CCSER1: variants seen among roughly 807,000 people sequenced by gnomAD.
The protein encoded by CCSER1 is coiled-coil serine rich protein 1, also known as serine-rich coiled-coil domain-containing protein 1.
Under a neutral mutation model 82.0 loss-of-function variants are expected in CCSER1, and 41 were observed. The ratio of observed to expected loss-of-function variants is 0.50; its 90% CI spans 0.39 to 0.65. The LOEUF (loss-of-function observed/expected upper bound fraction) is 0.65, where lower values mean the gene tolerates loss of function less well. CCSER1 is among the 30% of genes least tolerant of loss of function. CCSER1 has a pLI of 0.00. For synonymous variants in CCSER1, 414 were observed against 383.9 expected (o/e 1.08, Z -0.92); for missense variants, 1,119 against 1,064.2 (o/e 1.05, Z -0.72).
Position 90,155,786 on chromosome 4 carries a change from G to A in CCSER1, c.-42+27955G>A, listed in dbSNP as rs539703681. 1.3e-3 allele frequency among the ~76,000 whole-genome samples: 199 copies of A among 151,820 alleles called. 1 individual carries two copies. The highest frequency in any genetic ancestry group is 2.1e-3 in the Non-Finnish European group (146 of 67,960). On this transcript the variant is annotated intron_variant, in intron 1 of 10. Transcript: ENST00000509176. ...TTTTTCTTCTTTATTAGTCTTGCTA[G>A]CGGTCTATCAATTTTGTTGATCCTT...
At chr4:91,220,311 T>C (rs1458007644) in intron 10 of CCSER1, among the ~76,000 whole-genome samples, 1 of 152,230 alleles carries the variant, frequency 6.6e-6, no homozygotes, top group African/African-American at 2.4e-5. Context: ...GCTCGTTTCT[T>C]GCATGCTGCT....
chr4:90,420,549 G>A (rs1263748053), intron 4 of CCSER1, among the ~76,000 whole-genome samples: 1 of 151,438 alleles, frequency 6.6e-6, no homozygotes, highest in African/African-American at 2.4e-5. Flanking sequence ...TGCATTTCCT[G>A]ATTTAAAAGT....
At chr4:91,380,825 C>T (rs923519630) in intron 10 of CCSER1, among the ~76,000 whole-genome samples, 1 of 152,128 alleles carries the variant, frequency 6.6e-6, no homozygotes, top group Non-Finnish European at 1.5e-5. Flanking sequence ...TTAGTTGATG[C>T]AGTTTCTTCC....
In CCSER1 at chr4:90,916,580, A is replaced by T. The variant is rs564733381; in HGVS notation, c.2095-6790A>T. ...AAAACCCTAGAAGAAAACCTAGGCA[A>T]TACCATTCAGGACATAGGCATGGGC... On this transcript the variant is annotated intron_variant, in intron 8 of 10. Transcript: ENST00000509176. 2.2e-4 allele frequency among the ~76,000 whole-genome samples: 33 copies of T among 152,242 alleles called. No homozygotes were observed. In the South Asian group the frequency reaches 2.3e-3, roughly 11 times the overall value.
At chr4:90,762,475 G>A (rs1312579587) in intron 7 of CCSER1, among the ~76,000 whole-genome samples, 3 of 152,092 alleles carry the variant, frequency 2.0e-5, no homozygotes, top group African/African-American at 7.2e-5. Flanking sequence ...GTTCTCCTTA[G>A]TTGAATCACT....
In CCSER1 at chr4:91,011,106, G is replaced by A. The variant is rs866832044; in HGVS notation, c.2173-74844G>A. The stretch of plus-strand genomic sequence containing the variant: ...ACCTGCAGATGAGTCTAACTGCGCT[G>A]TTTGGGAAGAGTGTGGTGACTCTGG... On this transcript the variant is annotated intron_variant, in intron 9 of 10. Coordinates refer to ENST00000509176, the MANE Select transcript of CCSER1 (RefSeq NM_001145065.2). Among the ~76,000 whole-genome samples the A allele has an allele frequency of 3.0e-5, 4 of 134,766 alleles. 1 individual carries two copies. The highest frequency in any genetic ancestry group is 7.8e-3 in the Middle Eastern group (2 of 256). 88.4% of individuals were successfully genotyped at this position (134,766 alleles called of 152,430 possible). A position where few individuals can be genotyped will look rare whatever the true frequency, so the allele number is the denominator to read the frequency against.
chr4:91,231,706 G>A (rs12510006), intron 10 of CCSER1, among the ~76,000 whole-genome samples: 18,771 of 151,536 alleles, frequency 0.12, 1,321 homozygotes, highest in Middle Eastern at 0.17. Flanking sequence ...ATAAAGTTAC[G>A]TATATTTATG....
At chr4:91,106,004 T>A (rs1725574672) in intron 10 of CCSER1, among the ~76,000 whole-genome samples, 2 of 152,236 alleles carry the variant, frequency 1.3e-5, no homozygotes. Flanking sequence ...ATGCTCTGTA[T>A]TATTATCTGA....
chr4:90,627,128 A>G (rs1457305114), intron 5 of CCSER1, among the ~76,000 whole-genome samples: 7 of 152,156 alleles, frequency 4.6e-5, no homozygotes, highest in Non-Finnish European at 1.0e-4. Flanking sequence ...GGAGGTAGTA[A>G]TTATTATCTT....
chr4:91,156,050 T>A (rs747809289), intron 10 of CCSER1, among the ~76,000 whole-genome samples: 3 of 151,876 alleles, frequency 2.0e-5, no homozygotes, highest in Non-Finnish European at 4.4e-5. Context: ...GATGAGTGAA[T>A]GTAATATCTG....
In CCSER1 at chr4:90,878,944, G is replaced by T. The variant is rs1205543525; in HGVS notation, c.2095-44426G>T. ...TATCCACTATTATTGGCATTTTTTT[G>T]AACAGAAATGTCCATTTCATTTCCT... On this transcript the variant is annotated intron_variant, in intron 8 of 10. Transcript: ENST00000509176. Among the ~76,000 whole-genome samples, 5 of 152,042 alleles carry T rather than the reference G, an allele frequency of 3.3e-5. No individual in the cohort carries two copies. In the East Asian group the frequency reaches 5.8e-4, roughly 18 times the overall value.
intron 10 of CCSER1, among the ~76,000 whole-genome samples, chr4:91,481,345 A>G (rs1162208391): frequency 2.0e-5 from 3 of 151,990 alleles, no homozygotes; most frequent in African/African-American, 4.8e-5. Context: ...GTAGATGGCT[A>G]TCTTCTCTCT....
chr4:90,325,487 G>T, intron 3 of CCSER1: 1 of 190,450 alleles, frequency 5.3e-6, no homozygotes, highest in East Asian at 1.3e-4. Context: ...GATCAGTTAA[G>T]TTTATCTCTT....
At chr4:90,967,530 C>T (rs921204756) in intron 9 of CCSER1, among the ~76,000 whole-genome samples, 11 of 151,910 alleles carry the variant, frequency 7.2e-5, no homozygotes, top group African/African-American at 2.4e-4. Flanking sequence ...TGGACACCTA[C>T]CTCACAACAT....
chr4:90,975,872 A>G (rs1249604478), intron 9 of CCSER1, among the ~76,000 whole-genome samples: 6 of 151,430 alleles, frequency 4.0e-5, no homozygotes, highest in Admixed American at 2.0e-4. Context: ...ATTATAAATT[A>G]GAATGATGTT....
chr4:90,214,850 A>G (rs1321695628), intron 1 of CCSER1, among the ~76,000 whole-genome samples: 1 of 152,190 alleles, frequency 6.6e-6, no homozygotes, highest in Non-Finnish European at 1.5e-5. Flanking sequence ...AGAATTTTGA[A>G]TATTCTAGTA....
chr4:91,077,080 T>C (rs761381290), intron 9 of CCSER1, among the ~76,000 whole-genome samples: 4 of 152,188 alleles, frequency 2.6e-5, no homozygotes, highest in Non-Finnish European at 5.9e-5. Flanking sequence ...GAGAAAAGAA[T>C]AATTAGAGTG....
chr4:90,301,168 A>G (rs1334470898), intron 1 of CCSER1, among the ~76,000 whole-genome samples: 1 of 152,078 alleles, frequency 6.6e-6, no homozygotes, highest in Non-Finnish European at 1.5e-5. Flanking sequence ...TATGTAATAT[A>G]TTTTACTTTT....
intron 7 of CCSER1, among the ~76,000 whole-genome samples, chr4:90,750,620 C>T (rs1165020280): frequency 2.0e-5 from 3 of 152,128 alleles, no homozygotes; most frequent in Non-Finnish European, 4.4e-5. Flanking sequence ...AAATGCTCCT[C>T]TCTTTATACT....
Sources: gnomAD v4.1 joint callset for allele counts (sites outside exome capture counted in the v4.1 genomes callset) on GRCh38, gnomAD v4.1.1 for gene constraint, MANE v1.5 for transcripts, NCBI Gene and HGNC (gene_info 2026-07-23, HGNC 2026-07-21) for gene names.